Variants in TM9SF3 observed in about 807,000 individuals in gnomAD.
The protein encoded by TM9SF3 is SM-11044-binding protein.
In TM9SF3, 14 loss-of-function variants were observed where a neutral mutation model predicts 78.6. The observed-to-expected ratio is 0.18, with a 90% CI of 0.12 to 0.28. TM9SF3 has a LOEUF of 0.28. Among genes scored for constraint, TM9SF3 ranks in the 10% least tolerant of loss-of-function variants. The pLI, the probability that TM9SF3 is intolerant of heterozygous loss-of-function variation, is 1.00. For missense variants in TM9SF3, 496 were observed against 721.9 expected, an observed-to-expected ratio of 0.69 and a Z score of 3.59; for synonymous variants, 231 against 241.7, an observed-to-expected ratio of 0.96 and a Z score of 0.41.
intron 1 of TM9SF3, among the ~76,000 whole-genome samples, chr10:96,581,557 T>G (rs1286806160): frequency 6.6e-6 from 1 of 152,242 alleles, no homozygotes; most frequent in East Asian, 1.9e-4. Flanking sequence ...AAAATAGCTT[T>G]GTACCTAAAT....
intron 4 of TM9SF3, chr10:96,560,207 A>C: frequency 9.8e-7 from 1 of 1,015,882 alleles, no homozygotes; most frequent in Non-Finnish European, 1.5e-6. Flanking sequence ...ATGGACATGG[A>C]CATGAGCCCC....
rs1039039807 is a variant in TM9SF3, at chr10:96,518,434, T to G, written c.*3829A>C. The G allele has an allele frequency of 1.3e-5, 2 of 152,200 alleles. No homozygotes were observed. Among genetic ancestry groups the G allele is most frequent in the African/African-American group, 2.4e-5 (1 of 41,454 alleles). The allele number at this position is 152,200 out of a possible 1,614,324, so 9.4% of individuals were successfully genotyped here. On this transcript the variant is annotated 3_prime_UTR_variant, in exon 15 of 15. Transcript: ENST00000371142. Reference sequence around the variant, plus strand: ...ATAGAATTCCATGTTATTTCTTTCTTGCCTTAAGCTCTTATATCTTTCAAA... The same window carrying G: ...ATAGAATTCCATGTTATTTCTTTCTGGCCTTAAGCTCTTATATCTTTCAAA...
At position 96,564,195 on chromosome 10, in the gene TM9SF3, G is replaced by A. The variant is rs572752015; in HGVS notation, c.421+1109C>T. 4.0e-5 allele frequency among the ~76,000 whole-genome samples: 6 copies of A among 151,486 alleles called. No homozygotes were observed. The East Asian group carries it at 1.2e-3, about 29-fold the overall frequency. ...TAGTCCCAGCTGCTCAGGAGACCAAGGGAGAAGGATCACTTAAGCCCAGGA... is the reference window on the plus strand; with the variant it reads ...TAGTCCCAGCTGCTCAGGAGACCAAAGGAGAAGGATCACTTAAGCCCAGGA... On this transcript the variant is annotated intron_variant, in intron 3 of 14. Transcript: ENST00000371142.
intron 14 of TM9SF3, among the ~76,000 whole-genome samples, chr10:96,526,693 G>A (rs1170212690): frequency 2.6e-5 from 4 of 152,086 alleles, no homozygotes; most frequent in Non-Finnish European, 4.4e-5. Flanking sequence ...CTTAAGTCCA[G>A]TCTGTAGATA....
intron 8 of TM9SF3, among the ~76,000 whole-genome samples, chr10:96,545,275 C>G (rs1189881291): frequency 6.6e-6 from 1 of 152,178 alleles, no homozygotes; most frequent in Admixed American, 6.5e-5. Context: ...GGGACCCAAA[C>G]AGAAAGTACC....
intron 7 of TM9SF3, among the ~76,000 whole-genome samples, chr10:96,550,480 A>G (rs1450131723): frequency 1.3e-5 from 2 of 152,204 alleles, no homozygotes; most frequent in Non-Finnish European, 2.9e-5. Context: ...TAACTAGAGA[A>G]AAGTGTCATT....
intron 1 of TM9SF3, among the ~76,000 whole-genome samples, chr10:96,584,244 C>T (rs1848605854): frequency 6.6e-6 from 1 of 152,162 alleles, no homozygotes; most frequent in Non-Finnish European, 1.5e-5. Flanking sequence ...GTCTCCTCTT[C>T]CTTTAGTATT....
At chr10:96,553,130 C>T (rs1848193956) in intron 5 of TM9SF3, 71 bp from the exon 6 acceptor site, 1 of 1,426,346 alleles carries the variant, frequency 7.0e-7, no homozygotes, top group African/African-American at 1.5e-5. Context: ...TCCATGAGGA[C>T]AACCGGATGT....
intron 1 of TM9SF3, among the ~76,000 whole-genome samples, chr10:96,581,958 A>G (rs978874122): frequency 6.6e-6 from 1 of 152,238 alleles, no homozygotes; most frequent in African/African-American, 2.4e-5. Flanking sequence ...AAGACTATGC[A>G]TCTTAAAGGA....
intron 5 of TM9SF3, among the ~76,000 whole-genome samples, chr10:96,554,636 C>A (rs1848213317): frequency 1.3e-5 from 2 of 152,148 alleles, no homozygotes; most frequent in Non-Finnish European, 2.9e-5. Flanking sequence ...TTTTAACCAG[C>A]ATTCCAATGA....
At chr10:96,545,539 T>C (rs992158848) in intron 8 of TM9SF3, among the ~76,000 whole-genome samples, 23 of 152,330 alleles carry the variant, frequency 1.5e-4, no homozygotes, top group African/African-American at 5.5e-4. Flanking sequence ...TTCCAACACC[T>C]TTCTAGCATT....
At chr10:96,544,822 G>T (rs913494612) in intron 8 of TM9SF3, among the ~76,000 whole-genome samples, 1 of 151,210 alleles carries the variant, frequency 6.6e-6, no homozygotes, top group African/African-American at 2.4e-5. Context: ...CCCTAAGACA[G>T]GGCAAAAAAA....
intron 1 of TM9SF3, 56 bp from the exon 2 acceptor site, chr10:96,576,885 A>T: frequency 5.8e-6 from 8 of 1,379,508 alleles, no homozygotes; most frequent in Middle Eastern, 1.9e-4. Flanking sequence ...AATTCAAATT[A>T]AGGGAATATT....
At chr10:96,531,143 TTCA>T (rs1224558260) in intron 10 of TM9SF3, among the ~76,000 whole-genome samples, 2 of 152,196 alleles carry the variant, frequency 1.3e-5, no homozygotes, top group African/African-American at 4.8e-5. Context: ...AAATTGAAAC[TTCA>T]TTCATTCATT....
chr10:96,585,525 A>G (rs1218527271), intron 1 of TM9SF3, among the ~76,000 whole-genome samples: 1 of 152,242 alleles, frequency 6.6e-6, no homozygotes, highest in Non-Finnish European at 1.5e-5. Flanking sequence ...AAAGAAATAC[A>G]TACCTACACA....
At chr10:96,560,606 A>G in intron 4 of TM9SF3, 1 of 664,224 alleles carries the variant, frequency 1.5e-6, no homozygotes, top group South Asian at 1.4e-5. Flanking sequence ...CTGGAAAGTG[A>G]TCTGTCCCTG....
intron 3 of TM9SF3, 77 bp from the exon 4 acceptor site, chr10:96,562,215 A>ATTT: frequency 4.2e-4 from 404 of 951,848 alleles, no homozygotes; most frequent in Middle Eastern, 1.3e-3. Context: ...ATGCTCATTA[A>ATTT]GTTTTTTTTT....
chr10:96,546,314 T>C (rs1441679960), intron 8 of TM9SF3, among the ~76,000 whole-genome samples: 1 of 152,188 alleles, frequency 6.6e-6, no homozygotes, highest in African/African-American at 2.4e-5. Flanking sequence ...TTTGTAAGAC[T>C]TGATATTCCT....
intron 9 of TM9SF3, among the ~76,000 whole-genome samples, chr10:96,539,139 G>A (rs1446376891): frequency 2.0e-5 from 3 of 152,110 alleles, no homozygotes; most frequent in African/African-American, 7.2e-5. Context: ...CCATGCAATT[G>A]AATACTATTG....
Sources: gnomAD v4.1 joint callset for allele counts (sites outside exome capture counted in the v4.1 genomes callset) on GRCh38, gnomAD v4.1.1 for gene constraint, MANE v1.5 for transcripts, NCBI Gene and HGNC (gene_info 2026-07-23, HGNC 2026-07-21) for gene names.